EIF2AK4: variants seen among roughly 807,000 people sequenced by gnomAD.
EIF2AK4 encodes the protein eukaryotic translation initiation factor 2 alpha kinase 4.
EIF2AK4 carries 139 observed loss-of-function variants against 211.1 expected under a neutral mutation model. The observed-to-expected ratio is 0.66, with a 90% CI of 0.57 to 0.76. The LOEUF (loss-of-function observed/expected upper bound fraction) is 0.76. Among genes scored for constraint, EIF2AK4 ranks in the 30% least tolerant of loss-of-function variants. The pLI, the probability that EIF2AK4 is intolerant of heterozygous loss-of-function variation, is 0.00. For synonymous variants in EIF2AK4, 710 were observed against 751.3 expected, an observed-to-expected ratio of 0.94 and a Z score of 0.90; for missense variants, 1,664 against 2,043.8, an observed-to-expected ratio of 0.81 and a Z score of 3.58.
Position 39,965,676 on chromosome 15 carries a change from T to C in EIF2AK4, c.860-10T>C, listed in dbSNP as rs1344587298. 6.2e-7 allele frequency: 1 copy of C among 1,613,110 alleles called. No individual in the cohort carries two copies. The highest frequency in any genetic ancestry group is 8.5e-7 in the Non-Finnish European group (1 of 1,179,712). ...GTGGGATTTAATTACACTTTCTGTT[T>C]AATGTGCAGGCAGTGATGAACAACT... On this transcript the variant is annotated splice_polypyrimidine_tract_variant and intron_variant, in intron 7 of 38. Transcript: ENST00000263791.
At chr15:39,971,574 C>T (rs896638421) in intron 9 of EIF2AK4, among the ~76,000 whole-genome samples, 1 of 151,890 alleles carries the variant, frequency 6.6e-6, no homozygotes, top group Non-Finnish European at 1.5e-5. Context: ...CAAAACATTC[C>T]AGCATGGTGG....
At chr15:39,953,875 G>A (rs777926035) in intron 4 of EIF2AK4, 29 bp from the exon 5 acceptor site, 8 of 1,602,560 alleles carry the variant, frequency 5.0e-6, no homozygotes, top group Non-Finnish European at 6.8e-6. Flanking sequence ...TCAGAGATTG[G>A]CATTTGATGA....
chr15:39,946,331 G>A (rs1394884031), intron 3 of EIF2AK4, among the ~76,000 whole-genome samples: 1 of 152,174 alleles, frequency 6.6e-6, no homozygotes, highest in Non-Finnish European at 1.5e-5. Context: ...ATGACTTTGA[G>A]GGGTTCAAGA....
Position 39,985,857 on chromosome 15 carries a change from C to T in EIF2AK4, c.2372C>T (p.Thr791Met), listed in dbSNP as rs570311740. 2.7e-5 allele frequency: 44 copies of T among 1,614,060 alleles called. 1 individual carries two copies. In the South Asian group the frequency reaches 4.2e-4, roughly 15 times the overall value. ...TGCCATGAAAGTGAGCCATCAGTGA[C>T]GACTGAGGCTGTGCACTACCTATAC... The part of the protein sequence containing the change: ...NGCHESEPSV[T>M]TEAVHYLYIQ... The change falls in exon 14 of 39, where the codon ACG (threonine) becomes ATG (methionine). Residue 791 changes from threonine (T) to methionine (M), a missense_variant. Coordinates refer to ENST00000263791, the MANE Select transcript of EIF2AK4 (RefSeq NM_001013703.4).
rs8040213 is a variant in EIF2AK4 at position 40,021,185 on chromosome 15, A to G, written c.4302+158A>G. Among the ~76,000 whole-genome samples, 4,078 of 152,272 alleles carry G rather than the reference A, an allele frequency of 0.027. 185 individuals carry two copies. The highest frequency in any genetic ancestry group is 0.094 in the African/African-American group (3,893 of 41,528). ...ATTGCTGCAGTAACCAATTACCACA[A>G]ACTTACTGGCTTAAACACATATTTA... On this transcript the variant is annotated intron_variant, in intron 31 of 38. Transcript: ENST00000263791.
At chr15:39,985,337 G>A (rs1001993551) in intron 13 of EIF2AK4, among the ~76,000 whole-genome samples, 2 of 152,224 alleles carry the variant, frequency 1.3e-5, no homozygotes, top group Non-Finnish European at 2.9e-5. Flanking sequence ...TCTCTGACAG[G>A]TTTTGGTATC....
intron 19 of EIF2AK4, among the ~76,000 whole-genome samples, chr15:39,997,803 A>G (rs2035036810): frequency 6.6e-6 from 1 of 152,208 alleles, no homozygotes; most frequent in South Asian, 2.1e-4. Context: ...AGAGATGCCC[A>G]TGAGCAAACC....
At chr15:40,015,980 G>A (rs992184779) in intron 27 of EIF2AK4, among the ~76,000 whole-genome samples, 1 of 152,220 alleles carries the variant, frequency 6.6e-6, no homozygotes, top group Non-Finnish European at 1.5e-5. Context: ...TGGCATCCAG[G>A]TGGGAGGAGA....
At position 39,990,323 on chromosome 15, in the gene EIF2AK4, T is replaced by A. The variant is rs201184165; in HGVS notation, c.2577T>A (p.Asp859Glu). 1 of 1,614,222 alleles carries A rather than the reference T, an allele frequency of 6.2e-7. No homozygotes were observed. Among genetic ancestry groups the A allele is most frequent in the Admixed American group, 1.7e-5 (1 of 60,026 alleles). Reference sequence around the variant, plus strand: ...CTGTCAACATTTTTTTGGATTCTGATGACCATGTGAAAATAGGTGATTTTG... The same window carrying A: ...CTGTCAACATTTTTTTGGATTCTGAAGACCATGTGAAAATAGGTGATTTTG... ...LKPVNIFLDS[D>E]DHVKIGDFGL... is the part of the protein sequence containing the mutation. Residue 859 changes from aspartate (D) to glutamate (E), a missense_variant, in exon 16 of 39, where the codon GAT becomes GAA. Transcript: ENST00000263791.
chr15:39,946,746 C>A, intron 3 of EIF2AK4: 2 of 678,992 alleles, frequency 2.9e-6, no homozygotes, highest in South Asian at 3.1e-5. Context: ...GAAATTGCCG[C>A]AACCACCCCA....
intron 8 of EIF2AK4, among the ~76,000 whole-genome samples, chr15:39,966,465 A>G (rs947091985): frequency 2.0e-5 from 3 of 151,072 alleles, no homozygotes; most frequent in Non-Finnish European, 4.4e-5. Flanking sequence ...CATGCCACTG[A>G]ACTGCAACCT....
In EIF2AK4 at chr15:40,030,761, A is replaced by C. The variant is rs183839322; in HGVS notation, c.4659+305A>C. Among the ~76,000 whole-genome samples the C allele has an allele frequency of 2.2e-4, 33 of 152,282 alleles. No homozygotes were observed. In the East Asian group the frequency reaches 5.4e-3, roughly 25 times the overall value. On this transcript the variant is annotated intron_variant, in intron 35 of 38. Coordinates refer to ENST00000263791, the MANE Select transcript of EIF2AK4 (RefSeq NM_001013703.4). ...GAGGTTTGTTTGTGCTCTAAATAGCAAAGTAGAAGAGGCCGATGACAAGAC... is the reference window on the plus strand; with the variant it reads ...GAGGTTTGTTTGTGCTCTAAATAGCCAAGTAGAAGAGGCCGATGACAAGAC...
At chr15:39,967,913 T>G (rs2034567891) in intron 9 of EIF2AK4, 34 bp downstream of exon 9, 1 of 1,600,412 alleles carries the variant, frequency 6.2e-7, no homozygotes. Flanking sequence ...TAATAGCACT[T>G]TACTCCTGTA....
At chr15:39,994,643 G>C (rs903069424) in intron 18 of EIF2AK4, among the ~76,000 whole-genome samples, 1 of 152,228 alleles carries the variant, frequency 6.6e-6, no homozygotes, top group East Asian at 1.9e-4. Context: ...AAATACATTA[G>C]GAAAGCAATT....
At position 40,026,014 on chromosome 15, in the gene EIF2AK4, G is replaced by A. The variant is rs1371975817; in HGVS notation, c.4427G>A (p.Arg1476His). Reference sequence around the variant, plus strand: ...GAGAAGGAAAGGCAGACAGAGAAGCGTGTGCTGGAGACTGAACTTGTGGAC... The same window carrying A: ...GAGAAGGAAAGGCAGACAGAGAAGCATGTGCTGGAGACTGAACTTGTGGAC... Reference protein sequence around the residue: ...SFEKERQTEKRVLETELVDHV... With the variant: ...SFEKERQTEKHVLETELVDHV... The change falls in exon 33 of 39, where the codon CGT (arginine) becomes CAT (histidine). Residue 1476 changes from arginine (R) to histidine (H), a missense_variant. Arg to His is a conservative substitution (Grantham distance 29). This residue lies in a region of EIF2AK4 where 16 missense variants were observed against 47.0 expected (regional missense o/e 0.34). Transcript: ENST00000263791. 3 of 1,614,134 alleles carry A rather than the reference G, an allele frequency of 1.9e-6. No homozygotes were observed. Among genetic ancestry groups the A allele is most frequent in the East Asian group, 2.2e-5 (1 of 44,888 alleles).
chr15:40,028,518 A>G (rs949326481), intron 33 of EIF2AK4, among the ~76,000 whole-genome samples: 3 of 152,312 alleles, frequency 2.0e-5, no homozygotes, highest in East Asian at 3.9e-4. Flanking sequence ...CTGTGAAAAC[A>G]TCCTAAAGGG....
intron 32 of EIF2AK4, among the ~76,000 whole-genome samples, chr15:40,024,193 C>T (rs2035432196): frequency 6.6e-6 from 1 of 151,332 alleles, no homozygotes; most frequent in Admixed American, 6.6e-5. Context: ...CACTACCTTT[C>T]TCCATCCTTT....
At chr15:39,937,370 C>T (rs1012725775) in intron 1 of EIF2AK4, among the ~76,000 whole-genome samples, 1 of 152,084 alleles carries the variant, frequency 6.6e-6, no homozygotes, top group Non-Finnish European at 1.5e-5. Context: ...CCTTTGTTTA[C>T]AAACCATTGA....
At chr15:39,954,230 G>A (rs537484078) in intron 5 of EIF2AK4, among the ~76,000 whole-genome samples, 4 of 152,136 alleles carry the variant, frequency 2.6e-5, no homozygotes, top group Admixed American at 1.3e-4. Flanking sequence ...AAGAGATTGC[G>A]TCTTTAATAA....
Sources: gnomAD v4.1 joint callset for allele counts (sites outside exome capture counted in the v4.1 genomes callset) on GRCh38, gnomAD v4.1.1 for gene constraint, gnomAD v4.1.1 regional missense constraint, MANE v1.5 for transcripts, NCBI Gene and HGNC (gene_info 2026-07-23, HGNC 2026-07-21) for gene names.